Variants in THSD7A observed in about 807,000 individuals in gnomAD.
THSD7A encodes the protein thrombospondin type 1 domain containing 7A.
Under a neutral mutation model 231.3 loss-of-function variants are expected in THSD7A, and 96 were observed. That is an observed-to-expected ratio of 0.41 (90% CI 0.35 to 0.49). The LOEUF (loss-of-function observed/expected upper bound fraction) is 0.49. Ranked by LOEUF, THSD7A falls within the 20% of genes least tolerant of loss-of-function variation. The pLI, the probability that THSD7A is intolerant of heterozygous loss-of-function variation, is 0.05. For missense variants in THSD7A, 2,290 were observed against 2,070.2 expected, an observed-to-expected ratio of 1.11 and a Z score of -2.06; for synonymous variants, 940 against 743.3, an observed-to-expected ratio of 1.26 and a Z score of -4.30.
At chr7:11,396,376 T>C (rs1010863274) in intron 23 of THSD7A, among the ~76,000 whole-genome samples, 97 of 152,058 alleles carry the variant, frequency 6.4e-4, no homozygotes, top group African/African-American at 2.0e-3. Flanking sequence ...ACAATTTAGA[T>C]ATATGGCTAG....
At chr7:11,606,853 T>C (rs1780749532) in intron 2 of THSD7A, among the ~76,000 whole-genome samples, 1 of 152,048 alleles carries the variant, frequency 6.6e-6, no homozygotes, top group Non-Finnish European at 1.5e-5. Context: ...AATTAGATAA[T>C]TTGTCCCAAG....
chr7:11,540,337 CTG>C (rs936229355), intron 6 of THSD7A, among the ~76,000 whole-genome samples: 2 of 152,220 alleles, frequency 1.3e-5, no homozygotes, highest in Admixed American at 1.3e-4. Flanking sequence ...ATAGCAGTGT[CTG>C]TCAGTCTCCC....
chr7:11,559,724 T>A (rs981848502), intron 4 of THSD7A, among the ~76,000 whole-genome samples: 1 of 152,018 alleles, frequency 6.6e-6, no homozygotes, highest in African/African-American at 2.4e-5. Flanking sequence ...GGTCACATTA[T>A]CAACTGAATA....
intron 1 of THSD7A, among the ~76,000 whole-genome samples, chr7:11,673,465 C>T (rs558252486): frequency 6.6e-6 from 1 of 152,294 alleles, no homozygotes; most frequent in East Asian, 1.9e-4. Flanking sequence ...TGCTGTCTGC[C>T]AGGCTTGGAA....
intron 1 of THSD7A, among the ~76,000 whole-genome samples, chr7:11,713,219 T>C (rs1942723146): frequency 6.6e-6 from 1 of 151,246 alleles, no homozygotes; most frequent in Non-Finnish European, 1.5e-5. Flanking sequence ...TGTGGCATTT[T>C]GTGTTTCCCT....
intron 15 of THSD7A, among the ~76,000 whole-genome samples, chr7:11,425,080 T>G (rs1160507914): frequency 6.6e-6 from 1 of 152,202 alleles, no homozygotes; most frequent in Non-Finnish European, 1.5e-5. Context: ...TCACATTAGA[T>G]AGGTTACATA....
intron 12 of THSD7A, 141 bp downstream of exon 12, chr7:11,447,089 C>T (rs949310347): frequency 1.2e-6 from 1 of 812,556 alleles, no homozygotes; most frequent in Non-Finnish European, 1.9e-6. Flanking sequence ...GCTTTTATCA[C>T]TGCCAGCTAA....
At chr7:11,537,046 T>A (rs17164732) in intron 6 of THSD7A, among the ~76,000 whole-genome samples, 12,452 of 152,184 alleles carry the variant, frequency 0.082, 770 homozygotes, top group East Asian at 0.18. Flanking sequence ...TCCAGTGGTA[T>A]AAATTTTCAA....
At chr7:11,463,274 C>T (rs894555184) in intron 9 of THSD7A, among the ~76,000 whole-genome samples, 4 of 152,100 alleles carry the variant, frequency 2.6e-5, no homozygotes, top group Admixed American at 6.6e-5. Context: ...TTCTTCAACA[C>T]GGTCTGGGCA....
intron 1 of THSD7A, among the ~76,000 whole-genome samples, chr7:11,706,321 C>A (rs547636242): frequency 6.6e-6 from 1 of 150,832 alleles, no homozygotes; most frequent in African/African-American, 2.4e-5. Flanking sequence ...AAACTAAGTA[C>A]TATTTTCATT....
chr7:11,448,962 C>T (rs1371345480), intron 11 of THSD7A, among the ~76,000 whole-genome samples: 1 of 152,032 alleles, frequency 6.6e-6, no homozygotes, highest in Non-Finnish European at 1.5e-5. Context: ...GGTTAGATGA[C>T]AGAAACAAAT....
At chr7:11,829,854 A>G (rs975860835) in intron 1 of THSD7A, among the ~76,000 whole-genome samples, 1 of 145,876 alleles carries the variant, frequency 6.9e-6, no homozygotes, top group Admixed American at 6.9e-5. Context: ...TGAATGAACT[A>G]TTTTTTTTTT....
chr7:11,422,936 C>A (rs2115411077), intron 16 of THSD7A, among the ~76,000 whole-genome samples: 1 of 152,216 alleles, frequency 6.6e-6, no homozygotes, highest in South Asian at 2.1e-4. Context: ...CAGGTATGAA[C>A]CACTGTGCCC....
At position 11,676,631 on chromosome 7, in the gene THSD7A, T is replaced by A. The variant is rs576437790; in HGVS notation, c.191-39670A>T. 7.2e-5 allele frequency among the ~76,000 whole-genome samples: 11 copies of A among 152,132 alleles called. No individual in the cohort carries two copies. The South Asian group carries it at 1.9e-3, about 26-fold the overall frequency. Reference sequence around the variant, plus strand: ...GAACTTCATGGAGCACACAGAAGTATCAATAGCTGATTCAATCAAGTGGAA... The same window carrying A: ...GAACTTCATGGAGCACACAGAAGTAACAATAGCTGATTCAATCAAGTGGAA... On this transcript the variant is annotated intron_variant, in intron 1 of 27. Coordinates refer to ENST00000423059, the MANE Select transcript of THSD7A (RefSeq NM_015204.3).
intron 2 of THSD7A, among the ~76,000 whole-genome samples, chr7:11,593,970 A>C (rs1465174707): frequency 6.6e-6 from 1 of 152,198 alleles, no homozygotes; most frequent in Non-Finnish European, 1.5e-5. Flanking sequence ...CATGTCTGTG[A>C]GGGTGTTGCC....
At chr7:11,589,522 T>C (rs187196988) in intron 4 of THSD7A, among the ~76,000 whole-genome samples, 155 of 152,346 alleles carry the variant, frequency 1.0e-3, no homozygotes, top group African/African-American at 3.3e-3. Flanking sequence ...TTGTATGGCA[T>C]GGCATATTGC....
At chr7:11,479,069 A>T (rs894199204) in intron 7 of THSD7A, among the ~76,000 whole-genome samples, 17 of 152,182 alleles carry the variant, frequency 1.1e-4, no homozygotes, top group African/African-American at 3.9e-4. Context: ...AGGTCTTCAT[A>T]TGGTGATGCA....
At chr7:11,523,116 A>G (rs1788333782) in intron 6 of THSD7A, among the ~76,000 whole-genome samples, 1 of 152,148 alleles carries the variant, frequency 6.6e-6, no homozygotes, top group South Asian at 2.1e-4. Context: ...AACATAACAC[A>G]TAATTTTCAG....
At chr7:11,810,298 C>T (rs1225023274) in intron 1 of THSD7A, among the ~76,000 whole-genome samples, 6 of 152,140 alleles carry the variant, frequency 3.9e-5, no homozygotes, top group East Asian at 1.9e-4. Flanking sequence ...CATCTCTCAC[C>T]TCTCAGAGTT....
Sources: gnomAD v4.1 joint callset for allele counts (sites outside exome capture counted in the v4.1 genomes callset) on GRCh38, gnomAD v4.1.1 for gene constraint, MANE v1.5 for transcripts, NCBI Gene and HGNC (gene_info 2026-07-23, HGNC 2026-07-21) for gene names.